The following VAPA variants were observed in gnomAD, a reference collection of about 807,000 sequenced individuals.
The protein encoded by VAPA is vesicle-associated membrane protein-associated protein A.
In VAPA, 6 loss-of-function variants were observed where a neutral mutation model predicts 25.6. The ratio of observed to expected loss-of-function variants is 0.23; its 90% confidence interval spans 0.13 to 0.46. The LOEUF (loss-of-function observed/expected upper bound fraction) is 0.46. VAPA is among the 20% of genes least tolerant of loss of function. VAPA has a pLI of 0.99. For synonymous variants in VAPA, 112 were observed against 106.2 expected, an observed-to-expected ratio of 1.05 and a Z score of -0.34; for missense variants, 244 against 302.1, an observed-to-expected ratio of 0.81 and a Z score of 1.43.
chr18:9,932,874 C>T (rs1435191323), intron 2 of VAPA, among the ~76,000 whole-genome samples: 1 of 151,928 alleles, frequency 6.6e-6, no homozygotes, highest in African/African-American at 2.4e-5. Flanking sequence ...TTTGGGAGGC[C>T]GAGGCGGGTG....
intron 4 of VAPA, among the ~76,000 whole-genome samples, chr18:9,945,523 C>T (rs2069414148): frequency 1.3e-5 from 2 of 151,716 alleles, no homozygotes; most frequent in Non-Finnish European, 2.9e-5. Context: ...CCATGCCTGG[C>T]TAATTTTTGT....
At chr18:9,938,924 A>G (rs1428824097) in intron 4 of VAPA, among the ~76,000 whole-genome samples, 1 of 152,184 alleles carries the variant, frequency 6.6e-6, no homozygotes, top group African/African-American at 2.4e-5. Context: ...CATCTTAGGT[A>G]TTGTTTAAGG....
chr18:9,924,062 T>C (rs1599098809), intron 1 of VAPA: 1 of 152,488 alleles, frequency 6.6e-6, no homozygotes, highest in East Asian at 1.9e-4. Context: ...AACATTTTGA[T>C]AAACTTTTTA....
chr18:9,939,012 A>G (rs1369766991), intron 4 of VAPA, among the ~76,000 whole-genome samples: 5 of 152,194 alleles, frequency 3.3e-5, no homozygotes, highest in Non-Finnish European at 7.3e-5. Context: ...AAAAGAGATA[A>G]AAGAGTTTTA....
intron 1 of VAPA, among the ~76,000 whole-genome samples, chr18:9,921,368 C>T (rs538038104): frequency 6.6e-6 from 1 of 152,038 alleles, no homozygotes; most frequent in South Asian, 2.1e-4. Flanking sequence ...TAGGTGATTT[C>T]TTGGGTGTTC....
chr18:9,932,178 A>AAAAC (rs2069262109), intron 2 of VAPA, among the ~76,000 whole-genome samples: 1 of 152,186 alleles, frequency 6.6e-6, no homozygotes, highest in Non-Finnish European at 1.5e-5. Context: ...ATAAGAAATT[A>AAAAC]TTGTCAATTA....
In VAPA at chr18:9,956,629, G is replaced by A. The variant is rs550250495; in HGVS notation, c.*2418G>A. 2.6e-5 allele frequency: 4 copies of A among 152,734 alleles called. No individual in the cohort carries two copies. The highest frequency in any genetic ancestry group is 9.6e-5 in the African/African-American group (4 of 41,558). 9.5% of individuals were successfully genotyped at this position (152,734 alleles called of 1,614,324 possible). A position where few individuals can be genotyped will look rare whatever the true frequency, so the allele number is the denominator to read the frequency against. ...GTTATTTTTAATTGCTGTATGAAAT[G>A]TGATCAGATTATTTTACTACCAACA... is the stretch of plus-strand genomic sequence containing the variant. On this transcript the variant is annotated 3_prime_UTR_variant, in exon 6 of 6. Transcript: ENST00000400000.
At chr18:9,950,766 T>G (rs2069481904) in intron 5 of VAPA, 198 bp downstream of exon 5, 1 of 544,392 alleles carries the variant, frequency 1.8e-6, no homozygotes, top group Non-Finnish European at 3.2e-6. Flanking sequence ...GTTCCTTACT[T>G]TAGCACACAT....
At chr18:9,918,963 C>A (rs546019577) in intron 1 of VAPA, among the ~76,000 whole-genome samples, 1 of 152,276 alleles carries the variant, frequency 6.6e-6, no homozygotes, top group African/African-American at 2.4e-5. Flanking sequence ...GTGGCATGCA[C>A]GTTCTTGGCT....
In VAPA at chr18:9,954,099, G is replaced by A; in HGVS notation, c.638G>A (p.Gly213Glu). The A allele has an allele frequency of 8.1e-6, 13 of 1,614,058 alleles. No individual in the cohort carries two copies. The highest frequency in any genetic ancestry group is 1.1e-5 in the Non-Finnish European group (13 of 1,180,000). Residue 213 changes from glycine to glutamate, a missense_variant, in exon 6 of 6, where the codon GGA becomes GAA. Physicochemically the swap from Gly to Glu is moderately conservative, Grantham distance 98. Transcript: ENST00000400000. ...LRKVAHSDKP[G>E]STSTASFRDN... ...AAGGTAGCACATTCGGATAAACCTG[G>A]ATCAACCTCAACTGCATCCTTCAGA...
chr18:9,947,351 A>T (rs1322135640), intron 4 of VAPA, among the ~76,000 whole-genome samples: 1 of 152,166 alleles, frequency 6.6e-6, no homozygotes, highest in Admixed American at 6.5e-5. Context: ...ATCACCACAA[A>T]CGTGAATAAT....
chr18:9,936,484 G>C (rs2069311410), intron 3 of VAPA: 2 of 247,804 alleles, frequency 8.1e-6, no homozygotes, highest in Non-Finnish European at 1.5e-5. Flanking sequence ...GCCAAGATGG[G>C]AGTATCTCAA....
At chr18:9,948,518 A>G (rs2069451095) in intron 4 of VAPA, 1 of 152,154 alleles carries the variant, frequency 6.6e-6, no homozygotes, top group African/African-American at 2.4e-5. Context: ...TCAGTTGTCG[A>G]GCTTGATGAT....
intron 1 of VAPA, 104 bp downstream of exon 1, chr18:9,914,439 G>A (rs1337743732): frequency 2.5e-5 from 25 of 1,001,506 alleles, no homozygotes; most frequent in Non-Finnish European, 3.4e-5. Flanking sequence ...CCGAGGGAGC[G>A]CCCCCTCCCC....
chr18:9,954,303 A>T lies in VAPA; in HGVS notation c.*92A>T. The stretch of plus-strand genomic sequence containing the variant: ...TACCATTTCATTGGTAGTATGGCCC[A>T]CGGTGACCATTTTTTTGTGTGTACA... On this transcript the variant is annotated 3_prime_UTR_variant, in exon 6 of 6. Coordinates refer to ENST00000400000, the MANE Select transcript of VAPA (RefSeq NM_194434.3). 2 of 1,157,812 alleles carry T rather than the reference A, an allele frequency of 1.7e-6. No individual in the cohort carries two copies. The allele number at this position is 1,157,812 out of a possible 1,614,324, so 71.7% of individuals were successfully genotyped here.
chr18:9,917,208 T>C (rs1190204257), intron 1 of VAPA, among the ~76,000 whole-genome samples: 5 of 152,252 alleles, frequency 3.3e-5, no homozygotes, highest in South Asian at 2.1e-4. Flanking sequence ...TGGTATTTTA[T>C]GTGAAAGATT....
At position 9,955,268 on chromosome 18, in the gene VAPA, A is replaced by C. The variant is rs540444929; in HGVS notation, c.*1057A>C. On this transcript the variant is annotated 3_prime_UTR_variant, in exon 6 of 6. Coordinates refer to ENST00000400000, the MANE Select transcript of VAPA (RefSeq NM_194434.3). ...AAAAGTAGGTGTTTTTTTCGTGCTCAATTTGGCACTCAAAATAATGTTCAT... is the reference window on the plus strand; with the variant it reads ...AAAAGTAGGTGTTTTTTTCGTGCTCCATTTGGCACTCAAAATAATGTTCAT... The C allele has an allele frequency of 3.3e-5, 5 of 152,180 alleles. No individual in the cohort carries two copies. The South Asian group carries it at 8.3e-4, about 25-fold the overall frequency. The allele number at this position is 152,180 out of a possible 1,614,324, so 9.4% of individuals were successfully genotyped here.
rs2069533272 is a variant in VAPA at position 9,955,086 on chromosome 18, G to C, written c.*875G>C. The C allele has an allele frequency of 1.3e-5, 2 of 152,188 alleles. No individual in the cohort carries two copies. The highest frequency in any genetic ancestry group is 1.3e-4 in the Admixed American group (2 of 15,280). 9.4% of individuals were successfully genotyped at this position (152,188 alleles called of 1,614,324 possible). A position where few individuals can be genotyped will look rare whatever the true frequency, so the allele number is the denominator to read the frequency against. On this transcript the variant is annotated 3_prime_UTR_variant, in exon 6 of 6. Coordinates refer to ENST00000400000, the MANE Select transcript of VAPA (RefSeq NM_194434.3). ...AGAAGTTATGTGATTTCAGTGAGTTGATGTGTACAGCATGGCTGTGCTCCA... is the reference window on the plus strand; with the variant it reads ...AGAAGTTATGTGATTTCAGTGAGTTCATGTGTACAGCATGGCTGTGCTCCA...
intron 1 of VAPA, among the ~76,000 whole-genome samples, chr18:9,928,580 ACT>A (rs1228350007): frequency 2.0e-5 from 3 of 152,106 alleles, no homozygotes; most frequent in African/African-American, 7.2e-5. Flanking sequence ...GGGGTTCTTA[ACT>A]CTAACTTCAT....
Sources: gnomAD v4.1 joint callset for allele counts (sites outside exome capture counted in the v4.1 genomes callset) on GRCh38, gnomAD v4.1.1 for gene constraint, MANE v1.5 for transcripts, NCBI Gene and HGNC (gene_info 2026-07-23, HGNC 2026-07-21) for gene names.